CNST: variants seen among roughly 807,000 people sequenced by gnomAD.
CNST encodes consortin, connexin sorting protein, also known as consortin.
In CNST, 39 loss-of-function variants were observed where a neutral mutation model predicts 72.4. That is an observed-to-expected ratio of 0.54 (90% CI 0.42 to 0.70). CNST has a LOEUF of 0.70. Ranked by LOEUF, CNST falls within the 30% of genes least tolerant of loss-of-function variation. The pLI is 0.00. For missense variants in CNST, 871 were observed against 868.5 expected, an observed-to-expected ratio of 1.00 and a Z score of -0.04; for synonymous variants, 332 against 320.1, an observed-to-expected ratio of 1.04 and a Z score of -0.40.
rs751059668 is a variant in CNST, at chr1:246,621,473, C to G, written c.424C>G (p.Leu142Val). 3.7e-6 allele frequency: 6 copies of G among 1,614,132 alleles called. No individual in the cohort carries two copies. The highest frequency in any genetic ancestry group is 3.3e-5 in the South Asian group (3 of 91,086). ...DIAPLMQEKV[L>V]SAVTYAVDDE... Reference sequence around the variant, plus strand: ...TGCACCTTTAATGCAAGAAAAAGTACTAAGCGCAGTCACATATGCTGTTGA... The same window carrying G: ...TGCACCTTTAATGCAAGAAAAAGTAGTAAGCGCAGTCACATATGCTGTTGA... The change falls in exon 3 of 11, where the codon CTA (leucine) becomes GTA (valine). Residue 142 changes from leucine to valine, a missense_variant. Transcript: ENST00000366513.
intron 2 of CNST, among the ~76,000 whole-genome samples, chr1:246,620,934 G>A (rs909909771): frequency 6.6e-5 from 10 of 152,228 alleles, no homozygotes; most frequent in African/African-American, 2.4e-4. Flanking sequence ...GCATACACAC[G>A]GTATTACTGA....
intron 5 of CNST, 186 bp downstream of exon 5, chr1:246,634,196 G>A: frequency 1.8e-6 from 1 of 562,144 alleles, no homozygotes; most frequent in Non-Finnish European, 3.1e-6. Flanking sequence ...TTTTTTCTTT[G>A]TATTTTGCTC....
chr1:246,584,621 C>T (rs796654127), intron 1 of CNST, among the ~76,000 whole-genome samples: 142 of 152,272 alleles, frequency 9.3e-4, no homozygotes, highest in African/African-American at 3.3e-3. Context: ...GATTTGAAGA[C>T]AGTGTATGAA....
intron 2 of CNST, among the ~76,000 whole-genome samples, chr1:246,616,451 G>C (rs899388912): frequency 6.6e-6 from 1 of 152,118 alleles, no homozygotes; most frequent in East Asian, 1.9e-4. Flanking sequence ...CCAGCTACTC[G>C]GGACACTGAG....
intron 1 of CNST, among the ~76,000 whole-genome samples, chr1:246,589,105 T>C (rs1172288299): frequency 2.0e-5 from 3 of 152,052 alleles, no homozygotes; most frequent in South Asian, 2.1e-4. Flanking sequence ...ATTATTATTA[T>C]TGTTTTATTT....
intron 6 of CNST, among the ~76,000 whole-genome samples, chr1:246,640,368 GTATC>G (rs1414819588): frequency 6.6e-6 from 1 of 152,116 alleles, no homozygotes; most frequent in Non-Finnish European, 1.5e-5. Flanking sequence ...ATAGAATACA[GTATC>G]TAACCAAAAT....
Position 246,647,463 on chromosome 1 carries a change from C to T in CNST, c.1262C>T (p.Pro421Leu). 6.2e-7 allele frequency: 1 copy of T among 1,614,152 alleles called. No homozygotes were observed. Among genetic ancestry groups the T allele is most frequent in the South Asian group, 1.1e-5 (1 of 91,074 alleles). ...VARIEGIAED[P>L]KVFLSSKSKT... The stretch of plus-strand genomic sequence containing the variant: ...AGAATAGAGGGCATTGCTGAAGACC[C>T]TAAGGTGTTTCTTTCCAGCAAGTCA... Residue 421 changes from proline (P) to leucine (L), a missense_variant, in exon 9 of 11, where the codon CCT becomes CTT. Physicochemically the swap from Pro to Leu is moderately conservative, Grantham distance 98 (BLOSUM62 -3). Coordinates refer to ENST00000366513, the MANE Select transcript of CNST (RefSeq NM_152609.3).
chr1:246,651,848 A>G (rs761127689), intron 9 of CNST, among the ~76,000 whole-genome samples: 3 of 152,204 alleles, frequency 2.0e-5, no homozygotes, highest in Non-Finnish European at 4.4e-5. Flanking sequence ...TAAGAAAAAA[A>G]ATGATCACAT....
At chr1:246,615,826 C>T (rs570547017) in intron 2 of CNST, among the ~76,000 whole-genome samples, 26 of 151,624 alleles carry the variant, frequency 1.7e-4, no homozygotes, top group Non-Finnish European at 2.9e-4. Context: ...TGCGGTGAGC[C>T]GAGATTGTGC....
intron 2 of CNST, among the ~76,000 whole-genome samples, chr1:246,598,195 G>A (rs1662015157): frequency 6.7e-6 from 1 of 148,376 alleles, no homozygotes; most frequent in South Asian, 2.1e-4. Flanking sequence ...ATGTTGCCCA[G>A]GCTGGTCCTG....
chr1:246,568,139 A>G, intron 1 of CNST, among the ~76,000 whole-genome samples: 1 of 152,196 alleles, frequency 6.6e-6, no homozygotes, highest in East Asian at 1.9e-4. Flanking sequence ...TCCTTAAAAA[A>G]AAAGAAAGAA....
chr1:246,618,131 G>A (rs755816370), intron 2 of CNST, among the ~76,000 whole-genome samples: 1 of 152,184 alleles, frequency 6.6e-6, no homozygotes, highest in Non-Finnish European at 1.5e-5. Context: ...TTCCATTATC[G>A]TAAATAGTTG....
At chr1:246,662,858 C>G (rs980052648) in intron 10 of CNST, among the ~76,000 whole-genome samples, 1 of 152,072 alleles carries the variant, frequency 6.6e-6, no homozygotes, top group Non-Finnish European at 1.5e-5. Context: ...TGTCAAGTGC[C>G]CAACAGCCAC....
intron 2 of CNST, among the ~76,000 whole-genome samples, chr1:246,598,647 A>G (rs1468452508): frequency 6.6e-6 from 1 of 152,166 alleles, no homozygotes; most frequent in Non-Finnish European, 1.5e-5. Flanking sequence ...CTGGCCTCTA[A>G]ATCAGCTTTA....
chr1:246,649,507 T>G (rs2103139289), intron 9 of CNST, among the ~76,000 whole-genome samples: 1 of 152,304 alleles, frequency 6.6e-6, no homozygotes, highest in Non-Finnish European at 1.5e-5. Context: ...TTAGCTGTAA[T>G]ACCAAAAAGT....
rs778916296 is a variant in CNST at position 246,647,349 on chromosome 1, G to T, written c.1148G>T (p.Ser383Ile). Residue 383 changes from serine (S) to isoleucine (I), a missense_variant, in exon 9 of 11, where the codon AGC (serine) becomes ATC (isoleucine). Transcript: ENST00000366513. ...LHTQSSETAG[S>I]PSGPDSSEDA... ...ACCCAGTCCTCCGAGACAGCAGGGA[G>T]CCCGTCTGGGCCAGACTCTTCTGAG... is the stretch of plus-strand genomic sequence containing the variant. 6.2e-7 allele frequency: 1 copy of T among 1,614,172 alleles called. No individual in the cohort carries two copies. Among genetic ancestry groups the T allele is most frequent in the Non-Finnish European group, 8.5e-7 (1 of 1,180,042 alleles).
Position 246,591,766 on chromosome 1 carries a change from T to G in CNST, c.204T>G (p.Ser68Arg). ...MGKPQVSEQD[S>R]LNNNESCTLS... The stretch of plus-strand genomic sequence containing the variant: ...AGCCCCAAGTGTCTGAGCAGGACAG[T>G]CTCAATAATAATGAAAGCTGCACAT... The change falls in exon 2 of 11, where the codon AGT becomes AGG. Residue 68 changes from serine (S) to arginine (R), a missense_variant. Coordinates refer to ENST00000366513, the MANE Select transcript of CNST (RefSeq NM_152609.3). 6.2e-7 allele frequency: 1 copy of G among 1,614,032 alleles called. No individual in the cohort carries two copies. The highest frequency in any genetic ancestry group is 1.3e-5 in the African/African-American group (1 of 75,016).
chr1:246,617,448 G>C (rs1419097915), intron 2 of CNST, among the ~76,000 whole-genome samples: 1 of 152,156 alleles, frequency 6.6e-6, no homozygotes, highest in Non-Finnish European at 1.5e-5. Flanking sequence ...TACCACTCTT[G>C]TGACCTTTTT....
intron 9 of CNST, among the ~76,000 whole-genome samples, chr1:246,650,114 A>G (rs565363222): frequency 2.0e-5 from 3 of 152,126 alleles, no homozygotes; most frequent in African/African-American, 7.2e-5. Flanking sequence ...AGAGTTGTTT[A>G]TATTGGGGAA....
Sources: gnomAD v4.1 joint callset for allele counts (sites outside exome capture counted in the v4.1 genomes callset) on GRCh38, gnomAD v4.1.1 for gene constraint, MANE v1.5 for transcripts, NCBI Gene and HGNC (gene_info 2026-07-23, HGNC 2026-07-21) for gene names.